Variants in ELK3 observed in about 807,000 individuals in gnomAD.
ELK3 encodes ETS transcription factor ELK3.
In ELK3, 10 loss-of-function variants were observed where a neutral mutation model predicts 28.9. The observed-to-expected ratio is 0.35, with a 90% CI of 0.21 to 0.59. ELK3 has a LOEUF of 0.59. Among genes scored for constraint, ELK3 ranks in the 20% least tolerant of loss-of-function variants. ELK3 has a pLI of 0.82. For missense variants in ELK3, 463 were observed against 517.3 expected, an observed-to-expected ratio of 0.90 and a Z score of 1.02; for synonymous variants, 272 against 243.5, an observed-to-expected ratio of 1.12 and a Z score of -1.09.
At chr12:96,260,903 A>G (rs7307247) in intron 4 of ELK3, among the ~76,000 whole-genome samples, 3,311 of 152,286 alleles carry the variant, frequency 0.022, 39 homozygotes, top group Non-Finnish European at 0.034. Context: ...TTGATCTGGC[A>G]ATCTTTCTCA....
intron 1 of ELK3, among the ~76,000 whole-genome samples, chr12:96,223,299 C>T (rs1195667915): frequency 1.3e-5 from 2 of 152,164 alleles, no homozygotes; most frequent in Non-Finnish European, 2.9e-5. Flanking sequence ...CCCCATGCAT[C>T]GCTGTCACTC....
chr12:96,236,538 T>C (rs1017580197), intron 2 of ELK3, among the ~76,000 whole-genome samples: 3 of 152,212 alleles, frequency 2.0e-5, no homozygotes, highest in African/African-American at 4.8e-5. Flanking sequence ...CCAGCCTTTG[T>C]TGGCAGCACG....
intron 4 of ELK3, among the ~76,000 whole-genome samples, chr12:96,265,622 T>G (rs1555196855): frequency 6.6e-6 from 1 of 152,112 alleles, no homozygotes; most frequent in Non-Finnish European, 1.5e-5. Flanking sequence ...GAGGTTGCAG[T>G]GAGCCAATAT....
At chr12:96,254,111 G>C (rs993857473) in intron 3 of ELK3, among the ~76,000 whole-genome samples, 4 of 152,216 alleles carry the variant, frequency 2.6e-5, no homozygotes, top group African/African-American at 2.4e-5. Flanking sequence ...GATAGCTTGA[G>C]GTCAGGAGTT....
chr12:96,256,341 C>G (rs1008404043), intron 3 of ELK3, among the ~76,000 whole-genome samples: 1 of 152,086 alleles, frequency 6.6e-6, no homozygotes, highest in Non-Finnish European at 1.5e-5. Flanking sequence ...GGGTTTATGT[C>G]TTGTTTTATC....
At chr12:96,205,640 A>AGCTC (rs1227952791) in intron 1 of ELK3, among the ~76,000 whole-genome samples, 1 of 152,140 alleles carries the variant, frequency 6.6e-6, no homozygotes, top group Non-Finnish European at 1.5e-5. Context: ...CACTACACCC[A>AGCTC]GCTCTTCTTT....
chr12:96,221,285 C>T (rs575275226), intron 1 of ELK3, among the ~76,000 whole-genome samples: 1 of 152,330 alleles, frequency 6.6e-6, no homozygotes, highest in East Asian at 1.9e-4. Flanking sequence ...GCACAAGAAG[C>T]TCCGAGGAGG....
At chr12:96,227,761 G>A (rs1006227681) in intron 2 of ELK3, among the ~76,000 whole-genome samples, 26 of 152,180 alleles carry the variant, frequency 1.7e-4, no homozygotes, top group African/African-American at 5.1e-4. Context: ...AGCCTAGATC[G>A]TCTGGGTTTG....
chr12:96,203,994 CTT>C, intron 1 of ELK3, among the ~76,000 whole-genome samples: 1 of 152,278 alleles, frequency 6.6e-6, no homozygotes, highest in Admixed American at 6.5e-5. Flanking sequence ...ACTTCCCATA[CTT>C]CTTGTTTAGA....
chr12:96,238,786 A>G (rs575259621), intron 2 of ELK3, among the ~76,000 whole-genome samples: 4 of 152,336 alleles, frequency 2.6e-5, no homozygotes, highest in African/African-American at 7.2e-5. Flanking sequence ...CCGAAGAGCT[A>G]GAAATAACTG....
chr12:96,223,828 G>A (rs551821019), intron 2 of ELK3, 55 bp downstream of exon 2: 46 of 1,542,868 alleles, frequency 3.0e-5, no homozygotes, highest in Admixed American at 1.2e-4. Context: ...TCCCCTCTGC[G>A]TAGTTCACTG....
At chr12:96,235,114 G>T (rs1375279591) in intron 2 of ELK3, among the ~76,000 whole-genome samples, 1 of 151,972 alleles carries the variant, frequency 6.6e-6, no homozygotes, top group Non-Finnish European at 1.5e-5. Context: ...CTGCGTGTGC[G>T]CCTCCCAGCT....
chr12:96,206,940 T>C (rs1951541751), intron 1 of ELK3, among the ~76,000 whole-genome samples: 1 of 152,238 alleles, frequency 6.6e-6, no homozygotes, highest in South Asian at 2.1e-4. Context: ...GTTATTTTGC[T>C]CATTTATTCA....
intron 4 of ELK3, among the ~76,000 whole-genome samples, chr12:96,260,828 A>G (rs1951987675): frequency 6.6e-6 from 1 of 152,242 alleles, no homozygotes; most frequent in East Asian, 1.9e-4. Context: ...GCTTACCCCA[A>G]GTTAGTTGCA....
intron 2 of ELK3, among the ~76,000 whole-genome samples, chr12:96,245,258 C>T (rs1276838746): frequency 6.6e-6 from 1 of 152,162 alleles, no homozygotes; most frequent in Non-Finnish European, 1.5e-5. Context: ...TAGAACCACA[C>T]TATGATTTCA....
intron 2 of ELK3, among the ~76,000 whole-genome samples, chr12:96,229,916 G>A (rs1951729111): frequency 1.3e-5 from 2 of 152,094 alleles, no homozygotes; most frequent in Non-Finnish European, 1.5e-5. Flanking sequence ...GGTTACGTCT[G>A]TAAAGACCCC....
In ELK3 at chr12:96,253,955, T is replaced by G. The variant is rs184135665; in HGVS notation, c.1003-5776T>G. On this transcript the variant is annotated intron_variant, in intron 3 of 4. Coordinates refer to ENST00000228741, the MANE Select transcript of ELK3 (RefSeq NM_005230.4). ...ATACGGGGCAATATATAACATAGGG[T>G]TATAATTTAGGGTGGTGTGAAATTA... 1.1e-3 allele frequency among the ~76,000 whole-genome samples: 163 copies of G among 152,350 alleles called. 5 individuals are homozygous for G. Among genetic ancestry groups the G allele is most frequent in the Admixed American group, 0.01 (160 of 15,310 alleles).
chr12:96,243,791 C>T (rs1951837699), intron 2 of ELK3, among the ~76,000 whole-genome samples: 2 of 150,410 alleles, frequency 1.3e-5, no homozygotes, highest in East Asian at 2.0e-4. Flanking sequence ...TGCAGTGAGC[C>T]GAGATCACAC....
At chr12:96,252,332 C>T (rs780375944) in intron 3 of ELK3, among the ~76,000 whole-genome samples, 10 of 152,026 alleles carry the variant, frequency 6.6e-5, no homozygotes, top group Non-Finnish European at 1.2e-4. Context: ...AACATCCATT[C>T]TACAACCCAG....
Sources: allele counts gnomAD v4.1 joint callset (sites outside exome capture counted in the v4.1 genomes callset), GRCh38; gene constraint gnomAD v4.1.1; transcripts MANE v1.5; gene names NCBI Gene and HGNC (gene_info 2026-07-23, HGNC 2026-07-21).